Variants in GAD2 observed in about 807,000 individuals in gnomAD.
The protein encoded by GAD2 is 65 kDa glutamic acid decarboxylase.
In GAD2, 22 loss-of-function variants were observed where a neutral mutation model predicts 80.1. The ratio of observed to expected loss-of-function variants is 0.27; its 90% CI spans 0.20 to 0.39. The LOEUF (loss-of-function observed/expected upper bound fraction) is 0.39, where lower values mean the gene tolerates loss of function less well. Ranked by LOEUF, GAD2 falls within the 10% of genes least tolerant of loss-of-function variation. The pLI is 1.00. For missense variants in GAD2, 624 were observed against 738.4 expected, an observed-to-expected ratio of 0.85 and a Z score of 1.80; for synonymous variants, 274 against 256.9, an observed-to-expected ratio of 1.07 and a Z score of -0.64.
In GAD2 at chr10:26,217,517, G is replaced by C; in HGVS notation, c.77-93G>C. The C allele has an allele frequency of 2.9e-6, 4 of 1,361,964 alleles. No individual in the cohort carries two copies. In the South Asian group the frequency reaches 5.0e-5, roughly 17 times the overall value. 84.4% of individuals were successfully genotyped at this position (1,361,964 alleles called of 1,614,324 possible). Reference sequence around the variant, plus strand: ...GGAAGGCGGCCCCTCCTAGGACCCCGGACTGATTGATTTTCACATAGAACG... The same window carrying C: ...GGAAGGCGGCCCCTCCTAGGACCCCCGACTGATTGATTTTCACATAGAACG... On this transcript the variant is annotated intron_variant, in intron 1 of 15. Coordinates refer to ENST00000376261, the MANE Select transcript of GAD2 (RefSeq NM_001134366.2). The surrounding 1 kb of genome is among the most constrained non-coding windows in gnomAD (Gnocchi z 4.9).
intron 7 of GAD2, among the ~76,000 whole-genome samples, chr10:26,245,153 CAAAAAA>C (rs1229625147): frequency 1.9e-5 from 1 of 52,330 alleles, no homozygotes; most frequent in African/African-American, 4.7e-5. Context: ...AACTCTGTCT[CAAAAAA>C]AAAAAAAAAA....
intron 11 of GAD2, among the ~76,000 whole-genome samples, chr10:26,276,759 T>C (rs1392256203): frequency 3.3e-5 from 5 of 152,326 alleles, no homozygotes; most frequent in Non-Finnish European, 2.9e-5. Flanking sequence ...CATCCTCTGA[T>C]GTGTTCCACT....
intron 12 of GAD2, 84 bp downstream of exon 12, chr10:26,281,171 G>A: frequency 1.0e-6 from 1 of 993,066 alleles, no homozygotes; most frequent in Non-Finnish European, 1.6e-6. Context: ...GAAATGTCAA[G>A]ATCACCGGGT....
At chr10:26,236,059 T>C (rs974788595) in intron 7 of GAD2, among the ~76,000 whole-genome samples, 1 of 152,176 alleles carries the variant, frequency 6.6e-6, no homozygotes, top group Admixed American at 6.5e-5. Flanking sequence ...CTGAGGCCCC[T>C]TGTGGCTTCG....
chr10:26,272,891 C>T (rs1845152421), intron 10 of GAD2, among the ~76,000 whole-genome samples: 1 of 151,980 alleles, frequency 6.6e-6, no homozygotes, highest in African/African-American at 2.4e-5. Flanking sequence ...AAAAAGAGGG[C>T]TGAACTTACA....
chr10:26,298,222 C>A (rs1212073002), intron 15 of GAD2, among the ~76,000 whole-genome samples: 2 of 152,162 alleles, frequency 1.3e-5, no homozygotes, highest in Non-Finnish European at 2.9e-5. Flanking sequence ...CCAGCCAGGC[C>A]TTGAACCCTG....
intron 15 of GAD2, among the ~76,000 whole-genome samples, chr10:26,294,557 T>A (rs1171133066): frequency 2.0e-5 from 3 of 152,218 alleles, no homozygotes; most frequent in Non-Finnish European, 4.4e-5. Context: ...GGCCTGGGAA[T>A]GATTCTGGAA....
At chr10:26,265,852 G>T (rs1385716188) in intron 8 of GAD2, among the ~76,000 whole-genome samples, 2 of 152,244 alleles carry the variant, frequency 1.3e-5, no homozygotes, top group Admixed American at 6.5e-5. Flanking sequence ...ACAATCTGTT[G>T]GTTGTCACCC....
chr10:26,266,793 G>A (rs556061520), intron 8 of GAD2, among the ~76,000 whole-genome samples: 2 of 152,326 alleles, frequency 1.3e-5, no homozygotes, highest in South Asian at 2.1e-4. Flanking sequence ...GTTCATGAAA[G>A]TCAGATGTGA....
intron 7 of GAD2, among the ~76,000 whole-genome samples, chr10:26,239,390 T>C (rs901349769): frequency 1.3e-5 from 2 of 152,198 alleles, no homozygotes; most frequent in African/African-American, 4.8e-5. Context: ...AGAAGACCCC[T>C]GGTCTTGCTT....
chr10:26,226,082 T>TA (rs1844518577), intron 6 of GAD2, among the ~76,000 whole-genome samples: 1 of 152,076 alleles, frequency 6.6e-6, no homozygotes, highest in African/African-American at 2.4e-5. Flanking sequence ...GGGCTCTATT[T>TA]TTTTTTCTTT....
intron 13 of GAD2, among the ~76,000 whole-genome samples, chr10:26,287,433 T>C (rs1164786804): frequency 6.6e-6 from 1 of 152,222 alleles, no homozygotes; most frequent in Non-Finnish European, 1.5e-5. Context: ...TAGGAATACA[T>C]GTGCCATAGT....
chr10:26,230,789 A>T (rs1844591563), intron 7 of GAD2, among the ~76,000 whole-genome samples: 2 of 152,032 alleles, frequency 1.3e-5, no homozygotes, highest in Admixed American at 1.3e-4. Context: ...TTTTGTTACC[A>T]TAAAGAAATA....
intron 10 of GAD2, among the ~76,000 whole-genome samples, chr10:26,271,761 CT>C (rs369326708): frequency 0.015 from 2,255 of 149,552 alleles, 66 homozygotes; most frequent in African/African-American, 0.051. Flanking sequence ...AATTAATGCT[CT>C]TTTTTTTTTC....
intron 4 of GAD2, among the ~76,000 whole-genome samples, chr10:26,219,704 T>C (rs111811952): frequency 5.6e-4 from 86 of 152,308 alleles, no homozygotes; most frequent in African/African-American, 1.4e-3. Flanking sequence ...GGCATAAAAC[T>C]GATCAGAAAC....
At chr10:26,257,964 G>T (rs1363153959) in intron 8 of GAD2, among the ~76,000 whole-genome samples, 1 of 152,168 alleles carries the variant, frequency 6.6e-6, no homozygotes, top group African/African-American at 2.4e-5. Flanking sequence ...CCTGAGCAGG[G>T]CTGTGGGAAG....
At position 26,229,672 on chromosome 10, in the gene GAD2, A is replaced by G; in HGVS notation, c.735A>G (p.Ile245Met). The G allele has an allele frequency of 6.2e-7, 1 of 1,613,582 alleles. No individual in the cohort carries two copies. The highest frequency in any genetic ancestry group is 8.5e-7 in the Non-Finnish European group (1 of 1,179,578). ...GDGIFSPGGA[I>M]SNMYAMMIAR... The stretch of plus-strand genomic sequence containing the variant: ...TGCTGTGCACTTTAGGTGGCGCCAT[A>G]TCTAACATGTATGCCATGATGATCG... Residue 245 changes from isoleucine to methionine, a missense_variant, in exon 7 of 16, where the codon ATA becomes ATG. By Grantham distance (10) the Ile-to-Met change is conservative. Coordinates refer to ENST00000376261, the MANE Select transcript of GAD2 (RefSeq NM_001134366.2).
At chr10:26,288,767 A>G (rs1297267959) in intron 13 of GAD2, among the ~76,000 whole-genome samples, 1 of 152,158 alleles carries the variant, frequency 6.6e-6, no homozygotes, top group Non-Finnish European at 1.5e-5. Flanking sequence ...TGATATTTAT[A>G]GGAAAACGTT....
At chr10:26,216,725 G>A, upstream of GAD2, 8 of 1,188,296 alleles carry the variant, frequency 6.7e-6, no homozygotes, top group Non-Finnish European at 7.1e-6. This position sits in a 1 kb window ranked among gnomAD's most constrained non-coding sequence, Gnocchi z 4.7. Flanking sequence ...CGCCACACGG[G>A]CACGCACGCG....
Sources: gnomAD v4.1 joint callset for allele counts (sites outside exome capture counted in the v4.1 genomes callset) on GRCh38, gnomAD v4.1.1 for gene constraint, Gnocchi (gnomAD v3.1) non-coding constraint, MANE v1.5 for transcripts, NCBI Gene and HGNC (gene_info 2026-07-23, HGNC 2026-07-21) for gene names.